PIBF1: variants seen among roughly 807,000 people sequenced by gnomAD.
PIBF1 encodes progesterone-induced-blocking factor 1.
Under a neutral mutation model 112.5 loss-of-function variants are expected in PIBF1, and 90 were observed. The ratio of observed to expected loss-of-function variants is 0.80; its 90% CI spans 0.67 to 0.95. The LOEUF is 0.95. PIBF1 is among the 40% of genes least tolerant of loss of function. The pLI, the probability that PIBF1 is intolerant of heterozygous loss-of-function variation, is 0.00. For synonymous variants in PIBF1, 301 were observed against 288.6 expected (o/e 1.04, Z -0.44); for missense variants, 915 against 852.3 (o/e 1.07, Z -0.92).
At chr13:72,811,938 C>G (rs564053191) in intron 5 of PIBF1, among the ~76,000 whole-genome samples, 1 of 152,268 alleles carries the variant, frequency 6.6e-6, no homozygotes, top group Admixed American at 6.5e-5. Flanking sequence ...TTTATACATG[C>G]TGTATGAAGA....
At chr13:72,810,177 T>C (rs2035942407) in intron 5 of PIBF1, among the ~76,000 whole-genome samples, 1 of 152,208 alleles carries the variant, frequency 6.6e-6, no homozygotes, top group Non-Finnish European at 1.5e-5. Flanking sequence ...GATAACTTTA[T>C]TTCCTATTTA....
chr13:72,801,310 G>A (rs2035461429), intron 5 of PIBF1, among the ~76,000 whole-genome samples: 2 of 151,790 alleles, frequency 1.3e-5, no homozygotes, highest in Non-Finnish European at 2.9e-5. Flanking sequence ...TAGATATACT[G>A]GAAAATTTTT....
chr13:72,949,028 A>G lies in PIBF1; in HGVS notation c.1834-16246A>G, dbSNP rs1399712053. On this transcript the variant is annotated intron_variant, in intron 14 of 17. Transcript: ENST00000326291. Reference sequence around the variant, plus strand: ...AAGAAGAATCAAAGAATTCACAAAAATGATTCAAATACAATCAGTCTACTC... The same window carrying G: ...AAGAAGAATCAAAGAATTCACAAAAGTGATTCAAATACAATCAGTCTACTC... 7.9e-5 allele frequency among the ~76,000 whole-genome samples: 12 copies of G among 152,320 alleles called. No homozygotes were observed. The East Asian group carries it at 1.7e-3, about 22-fold the overall frequency.
At chr13:72,958,634 T>A (rs75715253) in intron 14 of PIBF1, among the ~76,000 whole-genome samples, 16,783 of 152,202 alleles carry the variant, frequency 0.11, 1,269 homozygotes, top group Non-Finnish European at 0.17. Context: ...GCCCCTCTCC[T>A]GAGACCTGCC....
intron 17 of PIBF1, among the ~76,000 whole-genome samples, chr13:73,004,247 T>C (rs1435235375): frequency 6.6e-6 from 1 of 152,058 alleles, no homozygotes; most frequent in Non-Finnish European, 1.5e-5. Context: ...TCCCAACACT[T>C]TGGGAGGCCG....
At chr13:72,989,734 C>T (rs898629001) in intron 16 of PIBF1, among the ~76,000 whole-genome samples, 1 of 151,976 alleles carries the variant, frequency 6.6e-6, no homozygotes, top group Non-Finnish European at 1.5e-5. Context: ...TACTAAAAAC[C>T]ATTGAATTAT....
At chr13:72,889,969 A>G (rs962106770) in intron 10 of PIBF1, among the ~76,000 whole-genome samples, 16 of 152,298 alleles carry the variant, frequency 1.1e-4, no homozygotes, top group African/African-American at 3.6e-4. Flanking sequence ...AATAAAAAAG[A>G]TTAAATAAGC....
intron 16 of PIBF1, among the ~76,000 whole-genome samples, chr13:72,984,643 C>T (rs2043230612): frequency 6.6e-6 from 1 of 152,144 alleles, no homozygotes; most frequent in Non-Finnish European, 1.5e-5. Context: ...GTGTAAAAGA[C>T]ATTTGAATTT....
chr13:72,964,790 A>G (rs2042696245), intron 14 of PIBF1, among the ~76,000 whole-genome samples: 1 of 152,170 alleles, frequency 6.6e-6, no homozygotes, highest in South Asian at 2.1e-4. Flanking sequence ...CAGCCAGGCG[A>G]GGTGGCTCAC....
At chr13:72,805,645 A>C (rs2035695983) in intron 5 of PIBF1, among the ~76,000 whole-genome samples, 1 of 152,238 alleles carries the variant, frequency 6.6e-6, no homozygotes, top group East Asian at 1.9e-4. Context: ...TGGGGAAAAA[A>C]ACATGACTAG....
At chr13:72,984,646 T>A (rs977360095) in intron 16 of PIBF1, among the ~76,000 whole-genome samples, 1 of 152,170 alleles carries the variant, frequency 6.6e-6, no homozygotes, top group African/African-American at 2.4e-5. Context: ...TAAAAGACAT[T>A]TGAATTTCCT....
At chr13:72,836,098 CAAAAAAA>C (rs11382594) in intron 9 of PIBF1, 7 of 388,866 alleles carry the variant, frequency 1.8e-5, no homozygotes, top group South Asian at 3.7e-5. Context: ...GACACCATCT[CAAAAAAA>C]AAAAAGAAAA....
At chr13:73,008,580 A>G (rs1221144855) in intron 17 of PIBF1, among the ~76,000 whole-genome samples, 1 of 152,188 alleles carries the variant, frequency 6.6e-6, no homozygotes, top group Non-Finnish European at 1.5e-5. Context: ...AGAGATATAA[A>G]TAATTCCTGC....
At chr13:72,864,639 G>T (rs1410557936) in intron 10 of PIBF1, among the ~76,000 whole-genome samples, 1 of 151,962 alleles carries the variant, frequency 6.6e-6, no homozygotes, top group Non-Finnish European at 1.5e-5. Flanking sequence ...TTTACATTTG[G>T]TAAATATACC....
chr13:72,831,405 G>A (rs987646663), intron 8 of PIBF1, among the ~76,000 whole-genome samples: 35 of 152,142 alleles, frequency 2.3e-4, no homozygotes, highest in African/African-American at 8.0e-4. Flanking sequence ...GGCATTTAGT[G>A]CTATAAATTT....
intron 16 of PIBF1, among the ~76,000 whole-genome samples, chr13:72,978,786 A>G (rs2043086217): frequency 6.6e-6 from 1 of 152,226 alleles, no homozygotes; most frequent in African/African-American, 2.4e-5. Context: ...AAACCTAAAT[A>G]ATTAGATATT....
chr13:73,002,502 A>G (rs991502726), intron 17 of PIBF1, among the ~76,000 whole-genome samples: 2 of 152,136 alleles, frequency 1.3e-5, no homozygotes, highest in African/African-American at 4.8e-5. Flanking sequence ...CTGATTTAGA[A>G]CAACTTTCCT....
At chr13:72,957,642 T>C (rs1200228056) in intron 14 of PIBF1, among the ~76,000 whole-genome samples, 7 of 152,088 alleles carry the variant, frequency 4.6e-5, no homozygotes, top group Admixed American at 4.6e-4. Flanking sequence ...AAATACCACC[T>C]GTTCTCCAAA....
intron 13 of PIBF1, among the ~76,000 whole-genome samples, chr13:72,927,429 G>A (rs948187592): frequency 6.6e-6 from 1 of 152,090 alleles, no homozygotes; most frequent in Non-Finnish European, 1.5e-5. Context: ...GCGCGAACCC[G>A]GGAGGCGGAA....
Sources: gnomAD v4.1 joint callset for allele counts (sites outside exome capture counted in the v4.1 genomes callset) on GRCh38, gnomAD v4.1.1 for gene constraint, MANE v1.5 for transcripts, NCBI Gene and HGNC (gene_info 2026-07-23, HGNC 2026-07-21) for gene names.